Variants in TAF12 observed in about 807,000 individuals in gnomAD.
TAF12 encodes the protein TATA-box binding protein associated factor 12.
In TAF12, 3 loss-of-function variants were observed where a neutral mutation model predicts 20.8. That is an observed-to-expected ratio of 0.14 (90% CI 0.07 to 0.37). The LOEUF (loss-of-function observed/expected upper bound fraction) is 0.37. Ranked by LOEUF, TAF12 falls within the 10% of genes least tolerant of loss-of-function variation. TAF12 has a pLI of 1.00. For synonymous variants in TAF12, 69 were observed against 70.2 expected, an observed-to-expected ratio of 0.98 and a Z score of 0.09; for missense variants, 131 against 197.9, an observed-to-expected ratio of 0.66 and a Z score of 2.03.
At chr1:28,637,977 C>T (rs1667894933) in intron 1 of TAF12, among the ~76,000 whole-genome samples, 1 of 151,872 alleles carries the variant, frequency 6.6e-6, no homozygotes, top group Admixed American at 6.6e-5. Context: ...GCAGTGAGAC[C>T]CCATTCCTAT....
intron 1 of TAF12, among the ~76,000 whole-genome samples, chr1:28,636,517 T>C (rs1247688938): frequency 6.6e-6 from 1 of 151,822 alleles, no homozygotes; most frequent in African/African-American, 2.4e-5. Flanking sequence ...CAGGGTGGGC[T>C]TGGTGGCTCA....
chr1:28,621,023 TTA>T (rs1009474928), intron 2 of TAF12, among the ~76,000 whole-genome samples: 10 of 152,296 alleles, frequency 6.6e-5, no homozygotes, highest in Admixed American at 5.2e-4. Flanking sequence ...ACTATTTTTA[TTA>T]TGTTACTTTT....
chr1:28,628,106 T>C (rs1034974507), intron 1 of TAF12, among the ~76,000 whole-genome samples: 1 of 151,554 alleles, frequency 6.6e-6, no homozygotes, highest in South Asian at 2.1e-4. Context: ...GGAAAAACAC[T>C]GTACTACTAG....
chr1:28,644,527 C>T (rs530961712), upstream of TAF12, among the ~76,000 whole-genome samples: 13 of 152,330 alleles, frequency 8.5e-5, no homozygotes, highest in African/African-American at 3.1e-4. Flanking sequence ...CATTGTGTGA[C>T]AAGCCTTTTG....
intron 2 of TAF12, among the ~76,000 whole-genome samples, chr1:28,621,565 G>T (rs1667222447): frequency 6.6e-6 from 1 of 152,162 alleles, no homozygotes; most frequent in Non-Finnish European, 1.5e-5. Context: ...TATTGTGTTA[G>T]TGTGTACAGA....
intron 1 of TAF12, among the ~76,000 whole-genome samples, chr1:28,637,689 A>T (rs1341335781): frequency 4.0e-5 from 6 of 151,744 alleles, no homozygotes; most frequent in Non-Finnish European, 5.9e-5. Flanking sequence ...TCTTTTTTTT[A>T]TTTTTGCTCT....
chr1:28,632,432 C>T (rs1190096747), intron 1 of TAF12, among the ~76,000 whole-genome samples: 1 of 152,128 alleles, frequency 6.6e-6, no homozygotes, highest in East Asian at 1.9e-4. Flanking sequence ...AAGAGAATTG[C>T]TTCAACCCGG....
intron 1 of TAF12, chr1:28,642,540 T>C: frequency 1.5e-6 from 1 of 678,536 alleles, no homozygotes; most frequent in East Asian, 1.3e-4. Flanking sequence ...TGTCTGCTTC[T>C]GCCCCTCAGG....
At chr1:28,623,276 C>A (rs1667278905) in intron 1 of TAF12, among the ~76,000 whole-genome samples, 1 of 151,890 alleles carries the variant, frequency 6.6e-6, no homozygotes, top group Admixed American at 6.6e-5. Context: ...AATCCCAGCA[C>A]TTTGGGAGGC....
chr1:28,635,102 T>C (rs1040804486), intron 1 of TAF12, among the ~76,000 whole-genome samples: 2 of 144,186 alleles, frequency 1.4e-5, no homozygotes, highest in African/African-American at 5.1e-5. Flanking sequence ...TGGTGGCGGG[T>C]GCCTGTAGTC....
upstream of TAF12, among the ~76,000 whole-genome samples, chr1:28,644,937 C>T (rs1374198843): frequency 6.6e-6 from 1 of 152,206 alleles, no homozygotes; most frequent in Non-Finnish European, 1.5e-5. Flanking sequence ...CACTCTGTCA[C>T]CAGGGCTAGA....
Position 28,635,128 on chromosome 1 carries a change from G to A in TAF12, c.-85+7864C>T, listed in dbSNP as rs1667772991. On this transcript the variant is annotated intron_variant, in intron 1 of 5. Transcript: ENST00000373824. Reference sequence around the variant, plus strand: ...GCCTGTAGTCCCAGCTACTCCGGAGGCTGAAGCAGGAGAATAGCGCGAACC... The same window carrying A: ...GCCTGTAGTCCCAGCTACTCCGGAGACTGAAGCAGGAGAATAGCGCGAACC... Among the ~76,000 whole-genome samples, 3 of 147,688 alleles carry A rather than the reference G, an allele frequency of 2.0e-5. No homozygotes were observed. In the South Asian group the frequency reaches 6.5e-4, roughly 32 times the overall value.
chr1:28,635,678 T>C (rs1667799651), intron 1 of TAF12, among the ~76,000 whole-genome samples: 1 of 152,010 alleles, frequency 6.6e-6, no homozygotes, highest in Non-Finnish European at 1.5e-5. Flanking sequence ...TTAACAACCT[T>C]GTACTTCAAA....
chr1:28,606,491 C>T (rs1162543071), intron 4 of TAF12, among the ~76,000 whole-genome samples: 1 of 151,210 alleles, frequency 6.6e-6, no homozygotes, highest in Non-Finnish European at 1.5e-5. Context: ...AACTTTTGGG[C>T]TCAAGCACAT....
intron 2 of TAF12, among the ~76,000 whole-genome samples, chr1:28,618,781 T>A (rs1667119621): frequency 6.6e-6 from 1 of 152,154 alleles, no homozygotes; most frequent in Non-Finnish European, 1.5e-5. Flanking sequence ...CCCTTTATCA[T>A]TGTGCATATT....
chr1:28,612,511 TTATA>T (rs987024716), intron 4 of TAF12, among the ~76,000 whole-genome samples: 29 of 145,226 alleles, frequency 2.0e-4, no homozygotes, highest in African/African-American at 6.4e-4. Context: ...TATATAAAAA[TTATA>T]TATAAATATA....
At position 28,621,807 on chromosome 1, in the gene TAF12, G is replaced by A. The variant is rs1034375116; in HGVS notation, c.168+107C>T. The A allele has an allele frequency of 1.8e-5, 27 of 1,475,788 alleles. No individual in the cohort carries two copies. The East Asian group carries it at 2.5e-4, about 14-fold the overall frequency. The allele number at this position is 1,475,788 out of a possible 1,614,324, so 91.4% of individuals were successfully genotyped here. A position where few individuals can be genotyped will look rare whatever the true frequency, so the allele number is the denominator to read the frequency against. On this transcript the variant is annotated intron_variant, in intron 2 of 5. Coordinates refer to ENST00000373824, the MANE Select transcript of TAF12 (RefSeq NM_005644.4). The stretch of plus-strand genomic sequence containing the variant: ...TCCAAAAGAGGGAAAAGACCTTTTC[G>A]GCTAAGAGAAAAAAGCAGCATCTGA...
At chr1:28,637,405 G>A (rs1200925603) in intron 1 of TAF12, among the ~76,000 whole-genome samples, 3 of 152,022 alleles carry the variant, frequency 2.0e-5, no homozygotes, top group African/African-American at 7.2e-5. Flanking sequence ...AGTGGCTCAC[G>A]CCTGTAATCC....
chr1:28,623,734 T>G (rs1477837836), intron 1 of TAF12, among the ~76,000 whole-genome samples: 1 of 152,198 alleles, frequency 6.6e-6, no homozygotes, highest in African/African-American at 2.4e-5. Flanking sequence ...ACATAACTTT[T>G]AGCAGCTGTT....
Sources: allele counts gnomAD v4.1 joint callset (sites outside exome capture counted in the v4.1 genomes callset), GRCh38; gene constraint gnomAD v4.1.1; transcripts MANE v1.5; gene names NCBI Gene and HGNC (gene_info 2026-07-23, HGNC 2026-07-21).